Variants in ATP9B observed in about 807,000 individuals in gnomAD.
The protein encoded by ATP9B is ATPase phospholipid transporting 9B, also known as probable phospholipid-transporting ATPase IIB.
In ATP9B, 110 loss-of-function variants were observed where a neutral mutation model predicts 146.1. That is an observed-to-expected ratio of 0.75 (90% confidence interval 0.65 to 0.88). The LOEUF (loss-of-function observed/expected upper bound fraction) is 0.88. ATP9B is among the 40% of genes least tolerant of loss of function. The pLI, the probability that ATP9B is intolerant of heterozygous loss-of-function variation, is 0.00. For missense variants in ATP9B, 1,499 were observed against 1,496.4 expected, an observed-to-expected ratio of 1.00 and a Z score of -0.03; for synonymous variants, 604 against 569.7, an observed-to-expected ratio of 1.06 and a Z score of -0.86.
At chr18:79,221,148 T>G (rs2095672494) in intron 11 of ATP9B, among the ~76,000 whole-genome samples, 1 of 152,328 alleles carries the variant, frequency 6.6e-6, no homozygotes, top group East Asian at 1.9e-4. Flanking sequence ...GACCAGGCCT[T>G]GAGTCCTTGG....
At chr18:79,160,748 T>TTG (rs1390909723) in intron 7 of ATP9B, among the ~76,000 whole-genome samples, 7 of 150,516 alleles carry the variant, frequency 4.7e-5, no homozygotes, top group Non-Finnish European at 1.0e-4. Context: ...TTTTATGGGT[T>TTG]TGTTTGTGTT....
At chr18:79,345,387 T>C (rs745539656) in intron 21 of ATP9B, 41 bp from the exon 22 acceptor site, 9 of 1,604,984 alleles carry the variant, frequency 5.6e-6, no homozygotes, top group Non-Finnish European at 6.8e-6. Flanking sequence ...GGGACACTGT[T>C]GTCGACCATA....
chr18:79,348,094 AAC>A, intron 24 of ATP9B, 36 bp from the exon 25 acceptor site: 2 of 1,612,252 alleles, frequency 1.2e-6, no homozygotes, highest in Non-Finnish European at 1.7e-6. Context: ...GTGCTCGTGG[AAC>A]TGACAGTTGT....
intron 25 of ATP9B, 59 bp downstream of exon 25, chr18:79,348,255 AAAAAAAAAAAAAAAC>A (rs2096902435): frequency 1.9e-6 from 2 of 1,051,902 alleles, no homozygotes; most frequent in Admixed American, 2.5e-5. Context: ...TTTGAAAAAA[AAAAAAAAAAAAAAAC>A]AAAAAACGTA....
chr18:79,251,672 A>G (rs2096024980), intron 11 of ATP9B, among the ~76,000 whole-genome samples: 2 of 152,238 alleles, frequency 1.3e-5, no homozygotes, highest in Non-Finnish European at 2.9e-5. Flanking sequence ...TTTGTGGAAA[A>G]TATTAATCAA....
chr18:79,202,726 T>C (rs1016781123), intron 9 of ATP9B, among the ~76,000 whole-genome samples: 18 of 152,350 alleles, frequency 1.2e-4, no homozygotes, highest in Middle Eastern at 3.4e-3. Context: ...AGAAAAATGT[T>C]TATAGTCAAT....
At chr18:79,270,888 A>G (rs1386330952) in intron 12 of ATP9B, among the ~76,000 whole-genome samples, 5 of 152,158 alleles carry the variant, frequency 3.3e-5, no homozygotes. Flanking sequence ...TGAAAGTCGG[A>G]AGAGTCCTGA....
intron 11 of ATP9B, among the ~76,000 whole-genome samples, chr18:79,231,803 T>TATATATATATATATATATAC (rs569726473): frequency 8.7e-6 from 1 of 114,760 alleles, no homozygotes; most frequent in African/African-American, 3.4e-5. Context: ...TATATATATA[T>TATATATATATATATATATAC]ACACACACAC....
At chr18:79,175,537 C>A (rs1196934841) in intron 7 of ATP9B, among the ~76,000 whole-genome samples, 1 of 152,156 alleles carries the variant, frequency 6.6e-6, no homozygotes, top group Non-Finnish European at 1.5e-5. Context: ...CACAGAGGCA[C>A]ACACATAGAA....
At chr18:79,348,054 G>T in intron 24 of ATP9B, 78 bp from the exon 25 acceptor site, 1 of 1,603,566 alleles carries the variant, frequency 6.2e-7, no homozygotes, top group South Asian at 1.1e-5. Context: ...TTAGGAGTTA[G>T]CGAGGCCCCT....
chr18:79,287,932 T>A, intron 13 of ATP9B, among the ~76,000 whole-genome samples: 4 of 150,012 alleles, frequency 2.7e-5, no homozygotes, highest in African/African-American at 9.8e-5. Flanking sequence ...CGGTTTTGAG[T>A]GAGTTTCTTA....
chr18:79,220,427 C>G (rs1411646622), intron 11 of ATP9B, among the ~76,000 whole-genome samples: 4 of 152,012 alleles, frequency 2.6e-5, no homozygotes, highest in Non-Finnish European at 5.9e-5. Flanking sequence ...ATGGCAAAAC[C>G]TGTCCCTACC....
At chr18:79,069,615 T>C (rs1470559485) in intron 1 of ATP9B, 86 bp downstream of exon 1, 6 of 885,762 alleles carry the variant, frequency 6.8e-6, no homozygotes, top group Non-Finnish European at 9.1e-6. Context: ...CGGGCGGGTC[T>C]GGGGTCGCTA....
At chr18:79,104,905 G>A (rs596458) in intron 2 of ATP9B, among the ~76,000 whole-genome samples, 9,526 of 151,956 alleles carry the variant, frequency 0.063, 374 homozygotes, top group Non-Finnish European at 0.092. Context: ...CACCACACCC[G>A]GCTAATTTTT....
At chr18:79,101,410 G>A (rs1427040841) in intron 2 of ATP9B, among the ~76,000 whole-genome samples, 1 of 152,090 alleles carries the variant, frequency 6.6e-6, no homozygotes, top group Non-Finnish European at 1.5e-5. Flanking sequence ...TCAACATAAT[G>A]CTGTGAGAGC....
Position 79,262,901 on chromosome 18 carries a change from A to G in ATP9B, c.1268+9360A>G, listed in dbSNP as rs187720824. 2.4e-3 allele frequency among the ~76,000 whole-genome samples: 366 copies of G among 152,356 alleles called. 1 individual carries two copies. The highest frequency in any genetic ancestry group is 6.6e-3 in the South Asian group (32 of 4,834). On this transcript the variant is annotated intron_variant, in intron 12 of 29. Coordinates refer to ENST00000426216, the MANE Select transcript of ATP9B (RefSeq NM_198531.5). ...GTGCCAGTTTTTATATTGGCTTAGA[A>G]AATATATTTTTGCACAATTCATTTC...
chr18:79,333,166 G>A (rs566016590), intron 17 of ATP9B, among the ~76,000 whole-genome samples: 84 of 152,340 alleles, frequency 5.5e-4, no homozygotes, highest in African/African-American at 1.9e-3. Flanking sequence ...GCCGTGATGT[G>A]TTTCCAAATG....
chr18:79,307,633 A>G (rs1190062439), intron 15 of ATP9B, among the ~76,000 whole-genome samples: 4 of 152,202 alleles, frequency 2.6e-5, no homozygotes, highest in Non-Finnish European at 4.4e-5. Flanking sequence ...TTCCATATTA[A>G]ATTTCCACAT....
At chr18:79,329,900 G>C (rs1343065303) in intron 16 of ATP9B, 112 bp from the exon 17 acceptor site, 1 of 945,192 alleles carries the variant, frequency 1.1e-6, no homozygotes, top group East Asian at 2.5e-5. Context: ...TAACACACAG[G>C]AACACATTCA....
Sources: allele counts gnomAD v4.1 joint callset (sites outside exome capture counted in the v4.1 genomes callset), GRCh38; gene constraint gnomAD v4.1.1; transcripts MANE v1.5; gene names NCBI Gene and HGNC (gene_info 2026-07-23, HGNC 2026-07-21).